Variants in WDR11 observed in about 807,000 individuals in gnomAD.
WDR11 encodes the protein WD repeat domain 11.
WDR11 carries 83 observed loss-of-function variants against 151.2 expected under a neutral mutation model. The ratio of observed to expected loss-of-function variants is 0.55; its 90% CI spans 0.46 to 0.66. The LOEUF (loss-of-function observed/expected upper bound fraction) is 0.66. WDR11 is among the 30% of genes least tolerant of loss of function. The pLI, the probability that WDR11 is intolerant of heterozygous loss-of-function variation, is 0.00. For synonymous variants in WDR11, 484 were observed against 533.1 expected (o/e 0.91, Z 1.27); for missense variants, 1,301 against 1,480.9 (o/e 0.88, Z 1.99).
At chr10:120,899,098 C>G (rs1439695768) in intron 19 of WDR11, among the ~76,000 whole-genome samples, 1 of 152,090 alleles carries the variant, frequency 6.6e-6, no homozygotes, top group African/African-American at 2.4e-5. Flanking sequence ...GGCATTGCAG[C>G]CTTTAGGTCT....
chr10:120,882,271 ATAT>A (rs1847035201), intron 13 of WDR11, among the ~76,000 whole-genome samples: 1 of 152,054 alleles, frequency 6.6e-6, no homozygotes, highest in Non-Finnish European at 1.5e-5. Context: ...ATTTATTGAT[ATAT>A]TATTAAGAGT....
At chr10:120,889,401 C>G in intron 17 of WDR11, 1 of 492,766 alleles carries the variant, frequency 2.0e-6, no homozygotes. Context: ...CCACGCCCGG[C>G]TAATTTTTTT....
chr10:120,907,599 AT>A (rs2133821153), intron 28 of WDR11: 1 of 96,676 alleles, frequency 1.0e-5, no homozygotes, highest in East Asian at 2.6e-4. Context: ...GTGTGTGTTT[AT>A]AATTTTTTTT....
chr10:120,866,868 T>C, intron 8 of WDR11, 104 bp downstream of exon 8: 1 of 1,337,530 alleles, frequency 7.5e-7, no homozygotes, highest in Non-Finnish European at 1.0e-6. Flanking sequence ...TCTATAAAAA[T>C]ATTTTTAAGG....
chr10:120,856,477 A>T (rs1845949322), intron 2 of WDR11, among the ~76,000 whole-genome samples: 1 of 149,958 alleles, frequency 6.7e-6, no homozygotes, highest in African/African-American at 2.5e-5. Flanking sequence ...TGGGAGGCTG[A>T]GGCAGGAGAA....
At chr10:120,866,316 G>A (rs1040711465) in intron 7 of WDR11, among the ~76,000 whole-genome samples, 13 of 151,610 alleles carry the variant, frequency 8.6e-5, no homozygotes, top group African/African-American at 9.7e-5. Context: ...TCAAAGTATC[G>A]TCTTTATTTT....
intron 20 of WDR11, 89 bp from the exon 21 acceptor site, chr10:120,900,945 ATC>A: frequency 1.1e-6 from 1 of 912,030 alleles, no homozygotes; most frequent in South Asian, 1.4e-5. Flanking sequence ...GAAGAAGGTT[ATC>A]TCTATATTAA....
chr10:120,892,861 T>C (rs1194197054), intron 19 of WDR11, among the ~76,000 whole-genome samples: 1 of 152,186 alleles, frequency 6.6e-6, no homozygotes, highest in Non-Finnish European at 1.5e-5. Context: ...AAATAAATCT[T>C]AATAGTCTTT....
chr10:120,891,080 A>G (rs2133793618), intron 19 of WDR11, among the ~76,000 whole-genome samples, 193 bp downstream of exon 19: 1 of 152,108 alleles, frequency 6.6e-6, no homozygotes. Context: ...GTAACTATAG[A>G]TGTCAATCAT....
intron 5 of WDR11, among the ~76,000 whole-genome samples, chr10:120,864,110 T>G (rs1441587934): frequency 3.9e-5 from 6 of 152,122 alleles, no homozygotes. Flanking sequence ...TCACATCTAT[T>G]AATTCCTGGA....
At chr10:120,874,027 T>C in intron 11 of WDR11, 104 bp downstream of exon 11, 1 of 766,920 alleles carries the variant, frequency 1.3e-6, no homozygotes, top group Non-Finnish European at 2.3e-6. Flanking sequence ...CAGTGGTGAT[T>C]ATTTGAAAAG....
chr10:120,852,555 C>T lies in WDR11; in HGVS notation c.118C>T (p.His40Tyr). 2 of 1,614,008 alleles carry T rather than the reference C, an allele frequency of 1.2e-6. No individual in the cohort carries two copies. The highest frequency in any genetic ancestry group is 1.7e-4 in the Middle Eastern group (1 of 6,060). ...GWQGLIAYGC[H>Y]SLVVVIDSIT... ...GCAAGGTTTAATTGCTTATGGATGT[C>T]ATTCACTTGTGGTAGTGATTGATTC... Residue 40 changes from histidine (H) to tyrosine (Y), a missense_variant, in exon 2 of 29, where the codon CAT becomes TAT. Around this residue, in one of 3 missense-constraint regions of WDR11, gnomAD observed 692 missense variants for 762.5 expected, o/e 0.91. Coordinates refer to ENST00000263461, the MANE Select transcript of WDR11 (RefSeq NM_018117.12).
At position 120,866,771 on chromosome 10, in the gene WDR11, G is replaced by A. The variant is rs1269241003; in HGVS notation, c.1190+7G>A. The A allele has an allele frequency of 1.2e-6, 2 of 1,613,874 alleles. No homozygotes were observed. The highest frequency in any genetic ancestry group is 1.3e-5 in the African/African-American group (1 of 74,914). ...ATCGAAATTCACGGAACAGGTAAATGAATCAACAGGATCATGGTTTTGTTT... is the reference window on the plus strand; with the variant it reads ...ATCGAAATTCACGGAACAGGTAAATAAATCAACAGGATCATGGTTTTGTTT... On this transcript the variant is annotated splice_region_variant and intron_variant, in intron 8 of 28. Coordinates refer to ENST00000263461, the MANE Select transcript of WDR11 (RefSeq NM_018117.12).
chr10:120,893,235 A>G (rs1847488388), intron 19 of WDR11, among the ~76,000 whole-genome samples: 1 of 143,596 alleles, frequency 7.0e-6, no homozygotes, highest in Admixed American at 7.5e-5. Flanking sequence ...TCATTGTTCA[A>G]TTCCCATCTG....
intron 10 of WDR11, among the ~76,000 whole-genome samples, chr10:120,873,197 C>T (rs1163395995): frequency 6.6e-6 from 1 of 152,124 alleles, no homozygotes; most frequent in Non-Finnish European, 1.5e-5. Context: ...GTGCTTAGTG[C>T]TTTATGTTTC....
At chr10:120,863,188 G>GA (rs1280884283) in intron 5 of WDR11, among the ~76,000 whole-genome samples, 1 of 152,092 alleles carries the variant, frequency 6.6e-6, no homozygotes, top group African/African-American at 2.4e-5. Context: ...TTTTACTTGT[G>GA]AAAATCGCAA....
rs1848198122 is a variant in WDR11 at position 120,909,273 on chromosome 10, A to G, written c.*560A>G. Reference sequence around the variant, plus strand: ...GTTTAAGCAGTTGCTAAGTTTTGTAATTTTAGGCTCAGAGGACCATAGGAG... The same window carrying G: ...GTTTAAGCAGTTGCTAAGTTTTGTAGTTTTAGGCTCAGAGGACCATAGGAG... On this transcript the variant is annotated 3_prime_UTR_variant, in exon 29 of 29. Coordinates refer to ENST00000263461, the MANE Select transcript of WDR11 (RefSeq NM_018117.12). 6.5e-6 allele frequency: 1 copy of G among 155,038 alleles called. No homozygotes were observed. The allele number at this position is 155,038 out of a possible 1,614,324, so 9.6% of individuals were successfully genotyped here.
intron 16 of WDR11, among the ~76,000 whole-genome samples, chr10:120,888,751 GA>G (rs1394451394): frequency 2.6e-5 from 4 of 152,144 alleles, no homozygotes; most frequent in African/African-American, 9.6e-5. Context: ...TGGCTCTCTG[GA>G]AAACCTTCCC....
chr10:120,871,866 G>A (rs1389555061), intron 10 of WDR11, among the ~76,000 whole-genome samples: 1 of 152,078 alleles, frequency 6.6e-6, no homozygotes, highest in African/African-American at 2.4e-5. Flanking sequence ...TATGTTATAG[G>A]TAGAAAAATT....
Sources: allele counts gnomAD v4.1 joint callset (sites outside exome capture counted in the v4.1 genomes callset), GRCh38; gene constraint gnomAD v4.1.1; regional missense constraint gnomAD v4.1.1; transcripts MANE v1.5; gene names NCBI Gene and HGNC (gene_info 2026-07-23, HGNC 2026-07-21).